Variants in ERICH6B observed in about 807,000 individuals in gnomAD.
ERICH6B encodes glutamate-rich protein 6B.
Under a neutral mutation model 80.0 loss-of-function variants are expected in ERICH6B, and 69 were observed. The observed-to-expected ratio is 0.86, with a 90% CI of 0.71 to 1.05. ERICH6B has a LOEUF of 1.05. Ranked by LOEUF, ERICH6B falls within the 50% of genes least tolerant of loss-of-function variation. The probability of loss-of-function intolerance (pLI) is 0.00; values close to 1 mark genes in which losing one functional copy is unlikely to be tolerated. For missense variants in ERICH6B, 754 were observed against 796.1 expected (o/e 0.95, Z 0.64); for synonymous variants, 283 against 291.9 (o/e 0.97, Z 0.31).
At chr13:45,587,994 G>C (rs3014931) in intron 4 of ERICH6B, among the ~76,000 whole-genome samples, 55,511 of 152,120 alleles carry the variant, frequency 0.36, 12,247 homozygotes, top group Non-Finnish European at 0.49. Context: ...CATAGACTTT[G>C]GTGTCAGCTC....
intron 11 of ERICH6B, among the ~76,000 whole-genome samples, chr13:45,557,973 G>T (rs1489730880): frequency 2.0e-5 from 3 of 151,600 alleles, no homozygotes; most frequent in African/African-American, 7.3e-5. Context: ...TGTGAAGAAT[G>T]ATGGTGGTAT....
intron 2 of ERICH6B, among the ~76,000 whole-genome samples, chr13:45,600,019 T>C (rs187965406): frequency 2.9e-4 from 44 of 152,282 alleles, no homozygotes; most frequent in Admixed American, 1.7e-3. Context: ...GAGGTATAAA[T>C]AATACATGAG....
chr13:45,557,580 C>G lies in ERICH6B; in HGVS notation c.1407+3789G>C, dbSNP rs368495372. 2.0e-5 allele frequency among the ~76,000 whole-genome samples: 3 copies of G among 152,204 alleles called. No homozygotes were observed. In the East Asian group the frequency reaches 5.8e-4, roughly 29 times the overall value. On this transcript the variant is annotated intron_variant, in intron 11 of 14. Coordinates refer to ENST00000298738, the MANE Select transcript of ERICH6B (RefSeq NM_182542.3). ...TAGTTTCAGGTCTTAGATTTAAGTC[C>G]TTGATCTATCTTGAGTTTATTTCTG... is the stretch of plus-strand genomic sequence containing the variant.
At chr13:45,593,559 A>G (rs1876240468) in intron 3 of ERICH6B, among the ~76,000 whole-genome samples, 1 of 152,186 alleles carries the variant, frequency 6.6e-6, no homozygotes, top group Non-Finnish European at 1.5e-5. Flanking sequence ...CCTATTTACA[A>G]TGAAGACAAC....
chr13:45,554,093 T>G (rs533158071), intron 11 of ERICH6B, among the ~76,000 whole-genome samples: 1 of 152,214 alleles, frequency 6.6e-6, no homozygotes, highest in East Asian at 1.9e-4. Context: ...TTATTCCTCC[T>G]GTCTAGCGGA....
chr13:45,601,892 C>T (rs1949829698), intron 2 of ERICH6B, among the ~76,000 whole-genome samples: 1 of 152,206 alleles, frequency 6.6e-6, no homozygotes, highest in African/African-American at 2.4e-5. Context: ...GGACCTATCT[C>T]CTGGAAGGAT....
At chr13:45,598,288 G>C (rs554291869) in intron 2 of ERICH6B, among the ~76,000 whole-genome samples, 1 of 152,256 alleles carries the variant, frequency 6.6e-6, no homozygotes, top group African/African-American at 2.4e-5. Flanking sequence ...CTGATGGTTA[G>C]CTCGGAGCCT....
At chr13:45,612,093 AG>A (rs1411857404) in intron 1 of ERICH6B, among the ~76,000 whole-genome samples, 1 of 152,350 alleles carries the variant, frequency 6.6e-6, no homozygotes, top group Non-Finnish European at 1.5e-5. Context: ...TTCATCTTGC[AG>A]GTTTTGCCTT....
Position 45,549,998 on chromosome 13 carries a change from T to A in ERICH6B, c.1541A>T (p.Lys514Ile). Residue 514 changes from lysine to isoleucine, a missense_variant, in exon 13 of 15, where the codon AAA (lysine) becomes ATA (isoleucine). Transcript: ENST00000298738. ...TTCCAGAATGATGTATGTGAACTTT[T>A]TCATTTTCGCATATAAGATGAGCAT... ...LAMLILYAKM[K>I]KFTYIILEDS... is the part of the protein sequence containing the mutation. 1 of 1,551,960 alleles carries A rather than the reference T, an allele frequency of 6.4e-7. No individual in the cohort carries two copies. Among genetic ancestry groups the A allele is most frequent in the Non-Finnish European group, 8.7e-7 (1 of 1,147,072 alleles).
rs548563948 is a variant in ERICH6B, at chr13:45,579,937, T to G, written c.957A>C (p.Glu319Asp). Residue 319 changes from glutamate (E) to aspartate (D), a missense_variant, in exon 7 of 15, where the codon GAA becomes GAC. By Grantham distance (45) the Glu-to-Asp change is conservative. Coordinates refer to ENST00000298738, the MANE Select transcript of ERICH6B (RefSeq NM_182542.3). ...TGCATTATGTCAGATGCTCACCATT[T>G]TCTTCCTTTTTTTGCTGTACTTTAG... is the stretch of plus-strand genomic sequence containing the variant. ...VNTKVQQKKEENVLEFASKEN... is the reference protein window; with the variant it reads ...VNTKVQQKKEDNVLEFASKEN... 6.4e-7 allele frequency: 1 copy of G among 1,551,862 alleles called. No individual in the cohort carries two copies. Among genetic ancestry groups the G allele is most frequent in the Non-Finnish European group, 8.7e-7 (1 of 1,146,978 alleles).
At chr13:45,559,759 T>A (rs1874590025) in intron 11 of ERICH6B, among the ~76,000 whole-genome samples, 1 of 152,036 alleles carries the variant, frequency 6.6e-6, no homozygotes, top group African/African-American at 2.4e-5. Flanking sequence ...TCTGAGAGAG[T>A]GCTTATATAA....
chr13:45,573,261 A>T (rs1025020097), intron 8 of ERICH6B, among the ~76,000 whole-genome samples: 1 of 152,198 alleles, frequency 6.6e-6, no homozygotes, highest in African/African-American at 2.4e-5. Context: ...GATGTAATGG[A>T]ATACCAAAGC....
intron 9 of ERICH6B, among the ~76,000 whole-genome samples, chr13:45,564,736 A>C (rs570302247): frequency 2.0e-5 from 3 of 152,218 alleles, no homozygotes; most frequent in African/African-American, 7.2e-5. Flanking sequence ...TACCTAGCCT[A>C]TTGGCACCTG....
chr13:45,547,952 C>T (rs756896671), intron 13 of ERICH6B, among the ~76,000 whole-genome samples: 2 of 152,186 alleles, frequency 1.3e-5, no homozygotes, highest in Non-Finnish European at 2.9e-5. Context: ...GGATCTGGAA[C>T]ATCTAGAAAT....
At chr13:45,580,461 G>T in intron 6 of ERICH6B, 142 bp downstream of exon 6, 1 of 738,548 alleles carries the variant, frequency 1.4e-6, no homozygotes, top group Non-Finnish European at 2.2e-6. Flanking sequence ...CTTGGCCATT[G>T]GCCTCCATTA....
At chr13:45,606,103 T>C (rs1339792427) in intron 2 of ERICH6B, among the ~76,000 whole-genome samples, 1 of 152,200 alleles carries the variant, frequency 6.6e-6, no homozygotes, top group Non-Finnish European at 1.5e-5. Context: ...TTAAAAGCTT[T>C]CATGAAAATT....
intron 8 of ERICH6B, among the ~76,000 whole-genome samples, chr13:45,570,455 G>A (rs547126350): frequency 4.6e-5 from 7 of 152,238 alleles, no homozygotes; most frequent in African/African-American, 7.2e-5. Context: ...TGAAACAAAC[G>A]TGATAGTAAA....
chr13:45,546,366 C>A (rs1049472255), intron 13 of ERICH6B, among the ~76,000 whole-genome samples: 1 of 152,162 alleles, frequency 6.6e-6, no homozygotes, highest in African/African-American at 2.4e-5. Flanking sequence ...GGCCTGGGTT[C>A]GTCTGGAGAA....
intron 2 of ERICH6B, among the ~76,000 whole-genome samples, chr13:45,598,474 G>A (rs1291062461): frequency 3.3e-5 from 5 of 152,130 alleles, no homozygotes; most frequent in African/African-American, 1.2e-4. Context: ...GGACTTAAGA[G>A]ATACATATCT....
Sources: gnomAD v4.1 joint callset for allele counts (sites outside exome capture counted in the v4.1 genomes callset) on GRCh38, gnomAD v4.1.1 for gene constraint, MANE v1.5 for transcripts, NCBI Gene and HGNC (gene_info 2026-07-23, HGNC 2026-07-21) for gene names.